Variants in FGF14 observed in about 807,000 individuals in gnomAD.
FGF14 encodes the protein fibroblast growth factor homologous factor 4.
In FGF14, 5 loss-of-function variants were observed where a neutral mutation model predicts 25.5. The ratio of observed to expected loss-of-function variants is 0.20; its 90% CI spans 0.10 to 0.41. FGF14 has a LOEUF of 0.41. FGF14 is among the 10% of genes least tolerant of loss of function. FGF14 has a pLI of 1.00. For missense variants in FGF14, 222 were observed against 320.1 expected, an observed-to-expected ratio of 0.69 and a Z score of 2.34; for synonymous variants, 138 against 118.3, an observed-to-expected ratio of 1.17 and a Z score of -1.08.
chr13:102,364,446 A>C (rs1286824811), intron 1 of FGF14, among the ~76,000 whole-genome samples: 3 of 152,240 alleles, frequency 2.0e-5, no homozygotes, highest in Non-Finnish European at 4.4e-5. Context: ...GTTCTTCTAC[A>C]GACTGAGTTT....
intron 1 of FGF14, among the ~76,000 whole-genome samples, chr13:101,969,487 T>A (rs561252575): frequency 5.9e-5 from 9 of 152,206 alleles, no homozygotes; most frequent in Non-Finnish European, 1.2e-4. Context: ...CCTTTGAAGT[T>A]TCCTGATGCC....
rs116756411 is a variant in FGF14, at chr13:101,936,344, C to T, written c.209-61048G>A. 4.9e-3 allele frequency among the ~76,000 whole-genome samples: 739 copies of T among 152,262 alleles called. 6 individuals are homozygous for T. Among genetic ancestry groups the T allele is most frequent in the African/African-American group, 0.017 (703 of 41,534 alleles). ...GCTGAGTTTTGAGGGATGCACAAAT[C>T]CTGCCACTTGCCTTCAGGTGCCCTA... is the stretch of plus-strand genomic sequence containing the variant. On this transcript the variant is annotated intron_variant, in intron 1 of 4. Coordinates refer to the FGF14 transcript ENST00000376131.
chr13:102,214,793 C>T (rs973454968), intron 1 of FGF14, among the ~76,000 whole-genome samples: 1 of 152,206 alleles, frequency 6.6e-6, no homozygotes, highest in Non-Finnish European at 1.5e-5. Flanking sequence ...GTCAGAGATG[C>T]AGCTAAGCAT....
Position 101,715,588 on chromosome 13 carries a change from CTG to C in FGF14, c.*7241_*7242del, listed in dbSNP as rs905548097. ...GGAATGGAATATGTAGCTGTGGAAA[CTG>C]TGAATGCTGGGATGGATGGAATGGA... On this transcript the variant is annotated 3_prime_UTR_variant, in exon 5 of 5. Transcript: ENST00000376143. 8.1e-6 allele frequency: 13 copies of C among 1,612,922 alleles called. No individual in the cohort carries two copies. Among genetic ancestry groups the C allele is most frequent in the African/African-American group, 4.0e-5 (3 of 74,854 alleles).
At chr13:102,329,451 A>G (rs1448065193) in intron 1 of FGF14, among the ~76,000 whole-genome samples, 3 of 152,190 alleles carry the variant, frequency 2.0e-5, no homozygotes, top group African/African-American at 7.2e-5. Flanking sequence ...CAATGTGAGC[A>G]GACCTTTGTC....
At chr13:101,726,903 A>G in intron 3 of FGF14, 93 bp from the exon 4 acceptor site, 1 of 973,592 alleles carries the variant, frequency 1.0e-6, no homozygotes, top group Admixed American at 2.0e-5. Flanking sequence ...CAGCATGGTG[A>G]AAGAGTGCTT....
At chr13:101,867,743 A>C (rs898015100) in intron 3 of FGF14, among the ~76,000 whole-genome samples, 2 of 152,132 alleles carry the variant, frequency 1.3e-5, no homozygotes, top group African/African-American at 4.8e-5. Context: ...CAGGGAACTC[A>C]GAATAAGAAG....
chr13:101,885,519 TGG>T (rs1257475841), intron 1 of FGF14, among the ~76,000 whole-genome samples: 1 of 152,286 alleles, frequency 6.6e-6, no homozygotes, highest in Middle Eastern at 3.4e-3. Context: ...AAGAAAATGC[TGG>T]GAAAGGCACT....
At chr13:101,838,592 A>G (rs1358485945) in intron 3 of FGF14, among the ~76,000 whole-genome samples, 1 of 152,078 alleles carries the variant, frequency 6.6e-6, no homozygotes, top group Admixed American at 6.6e-5. Flanking sequence ...AAGTAAATGT[A>G]CTTTTTACCC....
chr13:101,714,629 T>C lies in FGF14; in HGVS notation c.*8202A>G. 2.2e-6 allele frequency: 2 copies of C among 907,648 alleles called. No individual in the cohort carries two copies. Among genetic ancestry groups the C allele is most frequent in the Non-Finnish European group, 3.7e-6 (2 of 542,716 alleles). The allele number at this position is 907,648 out of a possible 1,614,324, so 56.2% of individuals were successfully genotyped here. The stretch of plus-strand genomic sequence containing the variant: ...AAGAGACACTCGTCATGCAATGCTT[T>C]AGGTGGCTGGACCAACAGGGCCAAC... On this transcript the variant is annotated 3_prime_UTR_variant, in exon 5 of 5. Coordinates refer to ENST00000376143, the MANE Select transcript of FGF14 (RefSeq NM_004115.4).
intron 1 of FGF14, among the ~76,000 whole-genome samples, chr13:101,995,211 C>T (rs2039118086): frequency 6.6e-6 from 1 of 151,964 alleles, no homozygotes; most frequent in Non-Finnish European, 1.5e-5. Context: ...TTGTTGTTTT[C>T]CCTCTCTCTT....
At chr13:101,740,507 G>C (rs893159421) in intron 3 of FGF14, among the ~76,000 whole-genome samples, 3 of 152,182 alleles carry the variant, frequency 2.0e-5, no homozygotes, top group African/African-American at 7.2e-5. Flanking sequence ...GAAATATTTA[G>C]GAGGTCAGAA....
chr13:101,955,370 G>T (rs1215731857), intron 1 of FGF14, among the ~76,000 whole-genome samples: 1 of 152,202 alleles, frequency 6.6e-6, no homozygotes, highest in Admixed American at 6.5e-5. Flanking sequence ...TTCATGAGTG[G>T]GGCAATGATT....
intron 1 of FGF14, among the ~76,000 whole-genome samples, chr13:102,158,522 G>A (rs939155671): frequency 6.7e-6 from 1 of 149,444 alleles, no homozygotes; most frequent in Non-Finnish European, 1.5e-5. Flanking sequence ...GCCTGTTGTG[G>A]GGTGGGGGTA....
intron 1 of FGF14, among the ~76,000 whole-genome samples, chr13:102,141,930 G>C (rs2046659231): frequency 6.6e-6 from 1 of 152,096 alleles, no homozygotes; most frequent in Admixed American, 6.6e-5. Flanking sequence ...TTAAATCTGA[G>C]AAGAAAAATC....
chr13:101,901,556 C>T (rs1413341954), intron 1 of FGF14, among the ~76,000 whole-genome samples: 1 of 151,974 alleles, frequency 6.6e-6, no homozygotes, highest in Non-Finnish European at 1.5e-5. Flanking sequence ...ATACAAAAAT[C>T]AGCTAGAGGT....
At chr13:102,055,405 G>T (rs576306135) in intron 1 of FGF14, among the ~76,000 whole-genome samples, 2 of 152,232 alleles carry the variant, frequency 1.3e-5, no homozygotes, top group African/African-American at 4.8e-5. Flanking sequence ...TGCTTTCATA[G>T]TACTTTGTTT....
At chr13:102,374,941 A>G (rs999797063) in intron 1 of FGF14, among the ~76,000 whole-genome samples, 1 of 152,042 alleles carries the variant, frequency 6.6e-6, no homozygotes, top group African/African-American at 2.4e-5. Context: ...GATAAAGAAT[A>G]TGTGAGATGT....
In FGF14 at chr13:101,886,591, T is replaced by C. The variant is rs2046000164; in HGVS notation, c.194-11295A>G. On this transcript the variant is annotated intron_variant, in intron 1 of 4. Transcript: ENST00000376143. Reference sequence around the variant, plus strand: ...TACGTAAGACCTGAAACTTTAAAACTACCAGAAGAAATCATTAAAGAATTT... The same window carrying C: ...TACGTAAGACCTGAAACTTTAAAACCACCAGAAGAAATCATTAAAGAATTT... 2.6e-5 allele frequency among the ~76,000 whole-genome samples: 4 copies of C among 152,274 alleles called. No homozygotes were observed. The South Asian group carries it at 6.2e-4, about 24-fold the overall frequency.
Sources: gnomAD v4.1 joint callset for allele counts (sites outside exome capture counted in the v4.1 genomes callset) on GRCh38, gnomAD v4.1.1 for gene constraint, MANE v1.5 for transcripts, NCBI Gene and HGNC (gene_info 2026-07-23, HGNC 2026-07-21) for gene names.